The following BMP6 variants were observed in gnomAD, a reference collection of about 807,000 sequenced individuals.
BMP6 encodes the protein VG-1-R.
Under a neutral mutation model 54.1 loss-of-function variants are expected in BMP6, and 17 were observed. The observed-to-expected ratio is 0.31, with a 90% CI of 0.22 to 0.47. The LOEUF is 0.47. Among genes scored for constraint, BMP6 ranks in the 20% least tolerant of loss-of-function variants. The pLI, the probability that BMP6 is intolerant of heterozygous loss-of-function variation, is 1.00. For synonymous variants in BMP6, 328 were observed against 291.2 expected (o/e 1.13, Z -1.28); for missense variants, 720 against 690.4 (o/e 1.04, Z -0.48).
At chr6:7,738,417 T>C (rs556141189) in intron 1 of BMP6, among the ~76,000 whole-genome samples, 36 of 152,326 alleles carry the variant, frequency 2.4e-4, no homozygotes, top group African/African-American at 8.2e-4. Context: ...CCCCATCTTA[T>C]GCTAGGGACC....
chr6:7,832,397 C>T (rs1225160723), intron 1 of BMP6, among the ~76,000 whole-genome samples: 2 of 152,080 alleles, frequency 1.3e-5, no homozygotes, highest in Non-Finnish European at 2.9e-5. Context: ...TCACTGCTTC[C>T]ACCATGTGAG....
chr6:7,832,968 G>A (rs1758814711), intron 1 of BMP6, among the ~76,000 whole-genome samples: 1 of 151,964 alleles, frequency 6.6e-6, no homozygotes, highest in Non-Finnish European at 1.5e-5. Flanking sequence ...TGGCTGTGGG[G>A]TACAGGCTGA....
At chr6:7,823,780 G>A (rs78374975) in intron 1 of BMP6, among the ~76,000 whole-genome samples, 15 of 152,272 alleles carry the variant, frequency 9.9e-5, no homozygotes, top group South Asian at 6.2e-4. Flanking sequence ...GGCCTTCAGC[G>A]TTTCCCTGCT....
At chr6:7,729,753 CATT>C (rs1456150638) in intron 1 of BMP6, among the ~76,000 whole-genome samples, 2 of 152,192 alleles carry the variant, frequency 1.3e-5, no homozygotes, top group East Asian at 3.8e-4. Context: ...CATTGCTACA[CATT>C]AGAATCACGT....
chr6:7,738,969 A>G (rs1213536248), intron 1 of BMP6, among the ~76,000 whole-genome samples: 2 of 152,156 alleles, frequency 1.3e-5, no homozygotes, highest in African/African-American at 2.4e-5. Flanking sequence ...TAAGAATGGA[A>G]TTTGCTGAAG....
At chr6:7,857,487 C>T (rs533740530) in intron 2 of BMP6, among the ~76,000 whole-genome samples, 9 of 152,274 alleles carry the variant, frequency 5.9e-5, no homozygotes, top group Non-Finnish European at 8.8e-5. Flanking sequence ...GATTTTCTTT[C>T]GTGGTTTGCC....
chr6:7,757,235 A>G (rs1757529555), intron 1 of BMP6, among the ~76,000 whole-genome samples: 1 of 152,230 alleles, frequency 6.6e-6, no homozygotes, highest in South Asian at 2.1e-4. Context: ...GATGACTTTA[A>G]ACAACAAAGT....
intron 4 of BMP6, among the ~76,000 whole-genome samples, chr6:7,876,652 A>G (rs1425735800): frequency 6.6e-6 from 1 of 152,200 alleles, no homozygotes; most frequent in African/African-American, 2.4e-5. Context: ...CTAATCTGTT[A>G]AGTAATCTGT....
At chr6:7,843,770 CTT>C (rs1464573034) in intron 1 of BMP6, among the ~76,000 whole-genome samples, 1 of 152,154 alleles carries the variant, frequency 6.6e-6, no homozygotes, top group African/African-American at 2.4e-5. Flanking sequence ...TTTGATATCA[CTT>C]TTCTCACACA....
rs189450135 is a variant in BMP6 at position 7,728,895 on chromosome 6, C to A, written c.664+1276C>A. ...CCCGCGTAGACTATCTGGGTGATTT[C>A]TTTACCAGCCTATCTATGATTCCCA... On this transcript the variant is annotated intron_variant, in intron 1 of 6. Transcript: ENST00000283147. Among the ~76,000 whole-genome samples the A allele has an allele frequency of 2.0e-5, 3 of 152,314 alleles. No homozygotes were observed. In the East Asian group the frequency reaches 5.8e-4, roughly 29 times the overall value.
Position 7,727,075 on chromosome 6 carries a change from G to C in BMP6, c.120G>C (p.Gly40=). Residue 40 remains glycine, a synonymous_variant, in exon 1 of 7, where the codon GGG becomes GGC. Coordinates refer to ENST00000283147, the MANE Select transcript of BMP6 (RefSeq NM_001718.6). ...PLPAAAAAAA[G]GQLLGDGGSP... ...CCGCTGCCGCGGCCGCCGCCGCCGG[G>C]GGGCAGCTGCTGGGGGACGGCGGGA... 1.6e-6 allele frequency: 2 copies of C among 1,246,274 alleles called. No individual in the cohort carries two copies. The highest frequency in any genetic ancestry group is 2.0e-6 in the Non-Finnish European group (2 of 995,384). 77.2% of individuals were successfully genotyped at this position (1,246,274 alleles called of 1,614,324 possible). A position where few individuals can be genotyped will look rare whatever the true frequency, so the allele number is the denominator to read the frequency against.
intron 2 of BMP6, among the ~76,000 whole-genome samples, chr6:7,853,387 C>T (rs749888445): frequency 6.6e-6 from 1 of 152,118 alleles, no homozygotes; most frequent in African/African-American, 2.4e-5. Context: ...GAAACAAGAT[C>T]GGGACCCAAT....
intron 1 of BMP6, among the ~76,000 whole-genome samples, chr6:7,810,060 CCT>C (rs1758413892): frequency 6.6e-6 from 1 of 152,098 alleles, no homozygotes; most frequent in African/African-American, 2.4e-5. Context: ...GTTTATATAT[CCT>C]CTACAGATTC....
At chr6:7,841,831 G>GA (rs1453520146) in intron 1 of BMP6, among the ~76,000 whole-genome samples, 1 of 152,146 alleles carries the variant, frequency 6.6e-6, no homozygotes, top group Non-Finnish European at 1.5e-5. Context: ...TTTGGTAGAG[G>GA]AAAAATTGGA....
intron 1 of BMP6, among the ~76,000 whole-genome samples, chr6:7,747,110 C>T (rs761422664): frequency 4.6e-5 from 7 of 152,204 alleles, no homozygotes; most frequent in Non-Finnish European, 8.8e-5. Flanking sequence ...TTCATTACCT[C>T]GGTTCACAAA....
At chr6:7,798,478 G>A (rs1343032495) in intron 1 of BMP6, among the ~76,000 whole-genome samples, 4 of 152,218 alleles carry the variant, frequency 2.6e-5, no homozygotes, top group African/African-American at 4.8e-5. Context: ...GATACAGTGC[G>A]CATGAGCATC....
At chr6:7,747,330 G>A (rs1260097135) in intron 1 of BMP6, among the ~76,000 whole-genome samples, 2 of 152,152 alleles carry the variant, frequency 1.3e-5, no homozygotes, top group African/African-American at 4.8e-5. Flanking sequence ...AATCACATAG[G>A]CCCTTATAAA....
At chr6:7,733,340 G>A (rs1055774740) in intron 1 of BMP6, among the ~76,000 whole-genome samples, 3 of 152,170 alleles carry the variant, frequency 2.0e-5, no homozygotes, top group African/African-American at 7.2e-5. Flanking sequence ...CCAGTAGTGG[G>A]AAGAAAAGTA....
chr6:7,774,035 G>A (rs767480774), intron 1 of BMP6, among the ~76,000 whole-genome samples: 21 of 152,188 alleles, frequency 1.4e-4, no homozygotes, highest in African/African-American at 4.3e-4. Flanking sequence ...CTCACCTGCC[G>A]GAGGAGGTAT....
Sources: allele counts gnomAD v4.1 joint callset (sites outside exome capture counted in the v4.1 genomes callset), GRCh38; gene constraint gnomAD v4.1.1; transcripts MANE v1.5; gene names NCBI Gene and HGNC (gene_info 2026-07-23, HGNC 2026-07-21).